SHANK2: variants seen among roughly 807,000 people sequenced by gnomAD.
SHANK2 encodes SH3 and multiple ankyrin repeat domains 2.
In SHANK2, 43 loss-of-function variants were observed where a neutral mutation model predicts 133.7. The observed-to-expected ratio is 0.32, with a 90% confidence interval of 0.25 to 0.41. The LOEUF (loss-of-function observed/expected upper bound fraction) is 0.41, where lower values mean the gene tolerates loss of function less well. Among genes scored for constraint, SHANK2 ranks in the 10% least tolerant of loss-of-function variants. The pLI is 1.00. For synonymous variants in SHANK2, 1,017 were observed against 952.8 expected (o/e 1.07, Z -1.24); for missense variants, 1,994 against 2,235.8 (o/e 0.89, Z 2.18).
chr11:70,486,720 C>A lies in SHANK2; in HGVS notation c.3573G>T (p.Ala1191=), dbSNP rs782764656. The A allele has an allele frequency of 6.2e-7, 1 of 1,610,242 alleles. No individual in the cohort carries two copies. The highest frequency in any genetic ancestry group is 1.3e-5 in the African/African-American group (1 of 74,904). ...TCCCGGGGCCGGCTGTGCCGCTGCTCGCGGAGGGCACTGCTGGGCTGCTCT... is the reference window on the plus strand; with the variant it reads ...TCCCGGGGCCGGCTGTGCCGCTGCTAGCGGAGGGCACTGCTGGGCTGCTCT... The part of the protein sequence containing the change: ...GPESSPAVPS[A]SSGTAGPGNY... Residue 1191 remains alanine, a synonymous_variant, in exon 25 of 26, where the codon GCG becomes GCT. Transcript: ENST00000601538. The surrounding 1 kb of genome is among the most constrained non-coding windows in gnomAD (Gnocchi z 8.0).
intron 2 of SHANK2, among the ~76,000 whole-genome samples, chr11:71,208,322 T>TG (rs1591021297): frequency 6.6e-6 from 1 of 150,576 alleles, no homozygotes; most frequent in Non-Finnish European, 1.5e-5. Flanking sequence ...GATGGGGAAG[T>TG]TGGGGGGAGA....
At chr11:70,751,513 C>T (rs1946748223) in intron 14 of SHANK2, among the ~76,000 whole-genome samples, 1 of 152,060 alleles carries the variant, frequency 6.6e-6, no homozygotes, top group Non-Finnish European at 1.5e-5. Flanking sequence ...AAGAGGAATG[C>T]CAAAGATAAT....
At chr11:70,597,455 C>G (rs147510670) in intron 17 of SHANK2, among the ~76,000 whole-genome samples, 1 of 151,778 alleles carries the variant, frequency 6.6e-6, no homozygotes, top group South Asian at 2.1e-4. Flanking sequence ...GAGCTGGCGG[C>G]GGTAAGATAA....
chr11:70,656,433 G>A (rs907609116), intron 17 of SHANK2, among the ~76,000 whole-genome samples: 7 of 152,042 alleles, frequency 4.6e-5, no homozygotes, highest in Admixed American at 6.6e-5. Flanking sequence ...TCCAAGCCTC[G>A]GCTTCAGCCT....
rs376667444 is a variant in SHANK2, at chr11:70,485,857, G to C, written c.4436C>G (p.Pro1479Arg). 1.2e-6 allele frequency: 2 copies of C among 1,614,086 alleles called. No individual in the cohort carries two copies. Among genetic ancestry groups the C allele is most frequent in the Non-Finnish European group, 1.7e-6 (2 of 1,180,040 alleles). ...GGCGACGGCGTCAAAGCTTTCAGGG[G>C]GTGGCAGGAATGAGGCAGGCAGACA... ...SNCLPASFLPPPESFDAVADS... is the reference protein window; with the variant it reads ...SNCLPASFLPRPESFDAVADS... Residue 1479 changes from proline to arginine, a missense_variant, in exon 25 of 26, where the codon CCC (proline) becomes CGC (arginine). Physicochemically the swap from Pro to Arg is moderately radical, Grantham distance 103. Around this residue, in one of 5 missense-constraint regions of SHANK2, gnomAD observed 797 missense variants for 907.4 expected, o/e 0.88. Coordinates refer to ENST00000601538, the MANE Select transcript of SHANK2 (RefSeq NM_012309.5). The surrounding 1 kb of genome is among the most constrained non-coding windows in gnomAD (Gnocchi z 5.8).
At chr11:71,061,971 CTTTTTTTT>C (rs1216736346) in intron 9 of SHANK2, among the ~76,000 whole-genome samples, 2 of 109,572 alleles carry the variant, frequency 1.8e-5, no homozygotes, top group African/African-American at 3.4e-5. Flanking sequence ...GTCTTTCTTT[CTTTTTTTT>C]TTTTTTTTTT....
At chr11:70,809,677 G>A (rs1186951074) in intron 12 of SHANK2, among the ~76,000 whole-genome samples, 1 of 152,174 alleles carries the variant, frequency 6.6e-6, no homozygotes, top group Admixed American at 6.5e-5. Context: ...GGAGCAGATT[G>A]GGCCTGAATA....
intron 8 of SHANK2, among the ~76,000 whole-genome samples, chr11:71,088,504 G>C (rs1951449129): frequency 6.6e-6 from 1 of 152,024 alleles, no homozygotes; most frequent in African/African-American, 2.4e-5. Context: ...GGCCAGGCGG[G>C]AGGGACGTCC....
At chr11:71,150,406 C>T (rs1247328302) in intron 2 of SHANK2, among the ~76,000 whole-genome samples, 3 of 56,472 alleles carry the variant, frequency 5.3e-5, no homozygotes, top group Non-Finnish European at 1.0e-4. Context: ...CAGGGAGGGA[C>T]AGGGAGGGAG....
chr11:70,881,581 TA>T, intron 11 of SHANK2, among the ~76,000 whole-genome samples: 1 of 146,790 alleles, frequency 6.8e-6, no homozygotes, highest in Non-Finnish European at 1.5e-5. Context: ...ATATTAATAA[TA>T]ATAATAATAA....
chr11:71,166,473 C>CTTTTTTTTTTT (rs1322143159), intron 2 of SHANK2, among the ~76,000 whole-genome samples: 1 of 131,384 alleles, frequency 7.6e-6, no homozygotes, highest in Non-Finnish European at 1.6e-5. Context: ...ATCCACACGT[C>CTTTTTTTTTTT]TTTTTTTTCT....
intron 11 of SHANK2, among the ~76,000 whole-genome samples, chr11:70,829,192 G>A (rs1166259849): frequency 1.3e-5 from 2 of 152,072 alleles, no homozygotes; most frequent in Admixed American, 6.5e-5. Flanking sequence ...TTCCCCTCAC[G>A]GGGGCCTCCA....
chr11:70,658,306 CAG>C (rs1245606631), intron 17 of SHANK2, among the ~76,000 whole-genome samples: 21 of 123,366 alleles, frequency 1.7e-4, no homozygotes, highest in Admixed American at 4.2e-4. Flanking sequence ...CACACACACA[CAG>C]ACACACACAC....
intron 14 of SHANK2, among the ~76,000 whole-genome samples, chr11:70,776,865 ACATCCACCCACCCATC>A (rs1432529368): frequency 6.8e-6 from 1 of 147,880 alleles, no homozygotes; most frequent in Non-Finnish European, 1.5e-5. Context: ...ATCAATCCAC[ACATCCACCCACCCATC>A]CATCCACCCA....
intron 11 of SHANK2, among the ~76,000 whole-genome samples, chr11:70,890,642 A>T (rs1949826008): frequency 6.6e-6 from 1 of 151,762 alleles, no homozygotes. Context: ...TCTACTAAAA[A>T]CACAAAACTA....
intron 11 of SHANK2, among the ~76,000 whole-genome samples, chr11:70,835,924 G>C (rs1555059920): frequency 6.6e-6 from 1 of 152,146 alleles, no homozygotes; most frequent in African/African-American, 2.4e-5. Context: ...CTCAGTGGAG[G>C]CTGGGGGAGT....
At chr11:70,737,136 G>A (rs1218294433) in intron 14 of SHANK2, among the ~76,000 whole-genome samples, 1 of 152,136 alleles carries the variant, frequency 6.6e-6, no homozygotes, top group East Asian at 1.9e-4. Flanking sequence ...TGCCAGCCCT[G>A]CCCAGCCACC....
chr11:70,595,087 A>C (rs1419870319), intron 17 of SHANK2, among the ~76,000 whole-genome samples: 1 of 152,116 alleles, frequency 6.6e-6, no homozygotes, highest in Non-Finnish European at 1.5e-5. Flanking sequence ...TGCAGCCTGC[A>C]GGGCCCCCCA....
intron 14 of SHANK2, among the ~76,000 whole-genome samples, chr11:70,785,751 G>A (rs782637579): frequency 1.3e-5 from 2 of 152,216 alleles, no homozygotes; most frequent in Admixed American, 6.5e-5. Flanking sequence ...GACAGGGGGT[G>A]CAGTGACAAA....
Sources: gnomAD v4.1 joint callset for allele counts (sites outside exome capture counted in the v4.1 genomes callset) on GRCh38, gnomAD v4.1.1 for gene constraint, gnomAD v4.1.1 regional missense constraint, Gnocchi (gnomAD v3.1) non-coding constraint, MANE v1.5 for transcripts, NCBI Gene and HGNC (gene_info 2026-07-23, HGNC 2026-07-21) for gene names.